The following TCF4 variants were observed in gnomAD, a reference collection of about 807,000 sequenced individuals.
The protein encoded by TCF4 is SL3-3 enhancer factor 2.
In TCF4, 3 loss-of-function variants were observed where a neutral mutation model predicts 82.1. The observed-to-expected ratio is 0.04, with a 90% CI of 0.02 to 0.09. The LOEUF (loss-of-function observed/expected upper bound fraction) is 0.09. Ranked by LOEUF, TCF4 falls within the 10% of genes least tolerant of loss-of-function variation. TCF4 has a pLI of 1.00. For missense variants in TCF4, 518 were observed against 852.7 expected (o/e 0.61, Z 4.89); for synonymous variants, 276 against 309.6 (o/e 0.89, Z 1.14).
intron 3 of TCF4, among the ~76,000 whole-genome samples, chr18:55,525,796 G>A (rs35371867): frequency 0.69 from 104,205 of 151,500 alleles, 36,151 homozygotes; most frequent in East Asian, 0.92. Context: ...CCTTGCCCTC[G>A]GCGGAACCTA....
chr18:55,603,454 A>C (rs1411557699), intron 2 of TCF4, among the ~76,000 whole-genome samples: 1 of 152,194 alleles, frequency 6.6e-6, no homozygotes, highest in African/African-American at 2.4e-5. Context: ...TTACTTAAGA[A>C]TTAAGTTAGG....
At chr18:55,578,998 A>C (rs1422347838) in intron 3 of TCF4, among the ~76,000 whole-genome samples, 1 of 151,868 alleles carries the variant, frequency 6.6e-6, no homozygotes, top group Non-Finnish European at 1.5e-5. Flanking sequence ...TGATATGCTG[A>C]TTAACTGGGC....
chr18:55,367,203 C>T (rs2087423529), intron 6 of TCF4, among the ~76,000 whole-genome samples: 1 of 152,074 alleles, frequency 6.6e-6, no homozygotes, highest in African/African-American at 2.4e-5. Flanking sequence ...CAGCTGTGTA[C>T]ATGTGCTCAT....
At chr18:55,248,422 G>T (rs1431659284) in intron 15 of TCF4, among the ~76,000 whole-genome samples, 1 of 152,122 alleles carries the variant, frequency 6.6e-6, no homozygotes, top group East Asian at 1.9e-4. Flanking sequence ...TATCTTTGTT[G>T]AAGAGGCCCA....
intron 6 of TCF4, among the ~76,000 whole-genome samples, chr18:55,388,846 G>A (rs2092821692): frequency 6.6e-6 from 1 of 152,112 alleles, no homozygotes; most frequent in Non-Finnish European, 1.5e-5. Flanking sequence ...AGCCTCGGCT[G>A]GGCACAGTGG....
At chr18:55,311,509 T>A (rs1250213775) in intron 8 of TCF4, among the ~76,000 whole-genome samples, 1 of 152,236 alleles carries the variant, frequency 6.6e-6, no homozygotes, top group East Asian at 1.9e-4. Flanking sequence ...ATGTTTGTAA[T>A]CTTAGTCTGT....
At chr18:55,599,508 GCCAGGA>G (rs1259415964) in intron 2 of TCF4, among the ~76,000 whole-genome samples, 2 of 152,130 alleles carry the variant, frequency 1.3e-5, no homozygotes, top group African/African-American at 2.4e-5. Flanking sequence ...ATCACTTGAG[GCCAGGA>G]GTTCAAGACC....
intron 6 of TCF4, among the ~76,000 whole-genome samples, chr18:55,360,507 G>A (rs560311842): frequency 2.6e-5 from 4 of 152,226 alleles, no homozygotes; most frequent in Non-Finnish European, 5.9e-5. Context: ...TTCTAACACT[G>A]AGGTCACCAA....
rs562830340 is a variant in TCF4 at position 55,594,181 on chromosome 18, G to C, written c.287-7045C>G. Among the ~76,000 whole-genome samples the C allele has an allele frequency of 4.2e-4, 64 of 152,300 alleles. 1 individual carries two copies. Among genetic ancestry groups the C allele is most frequent in the Admixed American group, 3.9e-3 (60 of 15,300 alleles). The stretch of plus-strand genomic sequence containing the variant: ...AATTCTTTCCGTCACTGTTCACAAG[G>C]CTAACTCCCTGTCATCCATCCTTCT... On this transcript the variant is annotated intron_variant, in intron 2 of 20. Transcript: ENST00000398339.
At chr18:55,351,067 CTGAT>C in intron 6 of TCF4, 64 bp from the exon 7 acceptor site, 6 of 1,600,724 alleles carry the variant, frequency 3.7e-6, no homozygotes, top group South Asian at 1.1e-5. Flanking sequence ...CACCTCCCAA[CTGAT>C]TGTTAGTACT....
intron 1 of TCF4, among the ~76,000 whole-genome samples, chr18:55,632,532 C>T (rs145912871): frequency 6.6e-6 from 1 of 152,250 alleles, no homozygotes; most frequent in African/African-American, 2.4e-5. Context: ...TGAATAAAAG[C>T]AAACCCAGGT....
chr18:55,621,520 A>ATAATGTACATTATATAT lies in TCF4; in HGVS notation c.286+9777_286+9778insATATATAATGTACATTA, dbSNP rs369426865. ...AATGTACATTATATATATATTATAT[A>ATAATGTACATTATATAT]ATATTATATAATATATATATTATAT... is the stretch of plus-strand genomic sequence containing the variant. On this transcript the variant is annotated intron_variant, in intron 2 of 20. Transcript: ENST00000398339. 5.7e-3 allele frequency among the ~76,000 whole-genome samples: 26 copies of ATAATGTACATTATATAT among 4,538 alleles called. 3 individuals carry two copies. The highest frequency in any genetic ancestry group is 0.12 in the Middle Eastern group (1 of 8). The allele number at this position is 4,538 out of a possible 152,430, so 3.0% of individuals were successfully genotyped here. A position where few individuals can be genotyped will look rare whatever the true frequency, so the allele number is the denominator to read the frequency against.
At chr18:55,534,356 T>C (rs1331329539) in intron 3 of TCF4, among the ~76,000 whole-genome samples, 1 of 152,132 alleles carries the variant, frequency 6.6e-6, no homozygotes, top group East Asian at 1.9e-4. Flanking sequence ...ATAGGTCCCA[T>C]AGACAGTAAG....
At chr18:55,507,814 T>G (rs2096779822) in intron 3 of TCF4, among the ~76,000 whole-genome samples, 1 of 152,116 alleles carries the variant, frequency 6.6e-6, no homozygotes. Flanking sequence ...TATCAAGTAT[T>G]GATTGGGTTC....
intron 3 of TCF4, among the ~76,000 whole-genome samples, chr18:55,471,213 T>C (rs2096170763): frequency 6.6e-6 from 1 of 151,798 alleles, no homozygotes; most frequent in Admixed American, 6.6e-5. Flanking sequence ...ATAGGAAGAG[T>C]TGAGGAGATT....
rs111951220 is a variant in TCF4 at position 55,580,785 on chromosome 18, A to T, written c.145+4495T>A. 8.3e-3 allele frequency among the ~76,000 whole-genome samples: 1,212 copies of T among 145,998 alleles called. 14 individuals carry two copies. The highest frequency in any genetic ancestry group is 0.03 in the African/African-American group (1,167 of 38,866). On this transcript the variant is annotated intron_variant, in intron 3 of 19. Coordinates refer to ENST00000354452, the MANE Select transcript of TCF4 (RefSeq NM_001083962.2). The stretch of plus-strand genomic sequence containing the variant: ...GTGTGTGTGTGTGTGTGTGTATAGA[A>T]CTCAGGACTTTGAGCTAGACAAACC...
chr18:55,591,498 G>C (rs2097685274), upstream of TCF4, among the ~76,000 whole-genome samples: 1 of 152,110 alleles, frequency 6.6e-6, no homozygotes, highest in Non-Finnish European at 1.5e-5. Context: ...TCATTCCGCT[G>C]AATTTCTTTT....
intron 15 of TCF4, among the ~76,000 whole-genome samples, chr18:55,247,318 G>C (rs192759226): frequency 1.6e-3 from 249 of 152,326 alleles, no homozygotes; most frequent in African/African-American, 5.5e-3. Context: ...GTATGTGACT[G>C]AATGAGGGCT....
At chr18:55,372,975 T>C (rs2089726635) in intron 6 of TCF4, among the ~76,000 whole-genome samples, 1 of 151,378 alleles carries the variant, frequency 6.6e-6, no homozygotes, top group Non-Finnish European at 1.5e-5. Flanking sequence ...CCTGCACCAT[T>C]AGAAAAAAAA....
Sources: gnomAD v4.1 joint callset for allele counts (sites outside exome capture counted in the v4.1 genomes callset) on GRCh38, gnomAD v4.1.1 for gene constraint, MANE v1.5 for transcripts, NCBI Gene and HGNC (gene_info 2026-07-23, HGNC 2026-07-21) for gene names.